MYOF: variants seen among roughly 807,000 people sequenced by gnomAD.
The protein encoded by MYOF is fer-1-like 3, myoferlin.
Under a neutral mutation model 284.2 loss-of-function variants are expected in MYOF, and 244 were observed. The observed-to-expected ratio is 0.86, with a 90% CI of 0.77 to 0.95. The LOEUF is 0.95. MYOF is among the 40% of genes least tolerant of loss of function. The pLI, the probability that MYOF is intolerant of heterozygous loss-of-function variation, is 0.00. For synonymous variants in MYOF, 904 were observed against 919.7 expected (o/e 0.98, Z 0.31); for missense variants, 2,496 against 2,560.6 (o/e 0.97, Z 0.54).
At chr10:93,363,884 C>T (rs1845193923) in intron 27 of MYOF, 77 bp downstream of exon 27, 1 of 1,317,856 alleles carries the variant, frequency 7.6e-7, no homozygotes, top group South Asian at 1.3e-5. Flanking sequence ...AAGCCCAAGC[C>T]AGGTGGCTGC....
intron 31 of MYOF, 29 bp downstream of exon 31, chr10:93,355,599 A>AAAT (rs1844758730): frequency 1.9e-6 from 3 of 1,545,288 alleles, no homozygotes; most frequent in Non-Finnish European, 2.7e-6. Flanking sequence ...AAATAAAATA[A>AAAT]AATAAATCAA....
At chr10:93,316,456 A>G (rs905141374) in intron 50 of MYOF, among the ~76,000 whole-genome samples, 1 of 152,028 alleles carries the variant, frequency 6.6e-6, no homozygotes, top group Non-Finnish European at 1.5e-5. Flanking sequence ...ATCCCCCTGC[A>G]GAAACAGGAC....
intron 39 of MYOF, 121 bp downstream of exon 39, chr10:93,340,032 A>T (rs1353892474): frequency 9.5e-7 from 1 of 1,055,292 alleles, no homozygotes; most frequent in East Asian, 2.7e-5. Flanking sequence ...GTGAGCCAAG[A>T]TCGCGCCACT....
rs1416157859 is a variant in MYOF, at chr10:93,333,272, A to G, written c.4760T>C (p.Ile1587Thr). 5 of 1,613,632 alleles carry G rather than the reference A, an allele frequency of 3.1e-6. No homozygotes were observed. Among genetic ancestry groups the G allele is most frequent in the Non-Finnish European group, 4.2e-6 (5 of 1,179,840 alleles). The change falls in exon 43 of 54, where the codon ATT becomes ACT. Residue 1587 changes from isoleucine (I) to threonine (T), a missense_variant. This residue lies in a region of MYOF where 2,436 missense variants were observed against 2,480.7 expected (regional missense o/e 0.98). Transcript: ENST00000359263. ...YIKITLGKKV[I>T]EDRDHYIPNT... ...GGGAATGTAGTGATCTCGGTCTTCA[A>G]TGACTTTTTTGCCCAGTGTTATTTT...
chr10:93,364,064 T>C lies in MYOF; in HGVS notation c.2765A>G (p.Glu922Gly), dbSNP rs751410425. 2 of 1,614,060 alleles carry C rather than the reference T, an allele frequency of 1.2e-6. No individual in the cohort carries two copies. The highest frequency in any genetic ancestry group is 1.7e-5 in the Admixed American group (1 of 60,024). ...IVDPERSLLT[E>G]ADAGHTEFTD... is the part of the protein sequence containing the mutation. ...GAACTCCGTGTGACCTGCATCTGCC[T>C]CAGTCAGCAAGCTGTGGGGCGGGGA... Residue 922 changes from glutamate (E) to glycine (G), a missense_variant, in exon 27 of 54, where the codon GAG (glutamate) becomes GGG (glycine). Transcript: ENST00000359263.
At chr10:93,416,922 CAT>C (rs1236867109) in intron 5 of MYOF, among the ~76,000 whole-genome samples, 1 of 152,128 alleles carries the variant, frequency 6.6e-6, no homozygotes, top group Non-Finnish European at 1.5e-5. Context: ...TTAATAGAAT[CAT>C]AGAACTTCGG....
At chr10:93,318,642 C>T (rs573070157) in intron 49 of MYOF, among the ~76,000 whole-genome samples, 2 of 152,188 alleles carry the variant, frequency 1.3e-5, no homozygotes, top group East Asian at 3.9e-4. Context: ...CCTGTAATCC[C>T]AGCTACTTGG....
chr10:93,348,230 T>C (rs1271411499), intron 36 of MYOF, among the ~76,000 whole-genome samples: 3 of 152,214 alleles, frequency 2.0e-5, no homozygotes, highest in African/African-American at 7.2e-5. Context: ...TTTGGTCATC[T>C]ACTAGCCAAG....
Position 93,310,164 on chromosome 10 carries a change from T to C in MYOF, c.6003A>G (p.Arg2001=), listed in dbSNP as rs1389073091. The C allele has an allele frequency of 2.5e-6, 4 of 1,613,952 alleles. No individual in the cohort carries two copies. The East Asian group carries it at 6.7e-5, about 27-fold the overall frequency. The change falls in exon 53 of 54, where the codon CGA becomes CGG. Residue 2001 remains arginine (R), a synonymous_variant. Transcript: ENST00000359263. ...TGAACCAGAGGAAGGAGGTTTCTGGTCGACTGCATTGCAAAGAAACAGTAT... is the reference window on the plus strand; with the variant it reads ...TGAACCAGAGGAAGGAGGTTTCTGGCCGACTGCATTGCAAAGAAACAGTAT... ...NMNPKLDLPN[R]PETSFLWFTN...
chr10:93,426,345 AG>A (rs1291950565), intron 4 of MYOF, among the ~76,000 whole-genome samples, 187 bp from the exon 5 acceptor site: 2 of 152,124 alleles, frequency 1.3e-5, no homozygotes. Flanking sequence ...CTGACAGCCA[AG>A]GCAGGGTGGG....
chr10:93,409,475 T>TATG (rs1847792802), intron 6 of MYOF, 98 bp downstream of exon 6: 3 of 1,362,464 alleles, frequency 2.2e-6, no homozygotes, highest in South Asian at 1.4e-5. Flanking sequence ...GTTGAGCCAT[T>TATG]GTCCATTGGA....
Position 93,353,978 on chromosome 10 carries a change from G to T in MYOF, c.3404-90C>A, listed in dbSNP as rs983054737. On this transcript the variant is annotated intron_variant, in intron 31 of 53. Transcript: ENST00000359263. ...ATATTTGGAAAAAATACATGTTTCTGATAAATGGGTCACTTGAATCTATTA... is the reference window on the plus strand; with the variant it reads ...ATATTTGGAAAAAATACATGTTTCTTATAAATGGGTCACTTGAATCTATTA... The T allele has an allele frequency of 1.4e-4, 144 of 1,008,374 alleles. 2 individuals carry two copies. The highest frequency in any genetic ancestry group is 3.4e-5 in the Non-Finnish European group (23 of 672,434). The allele number at this position is 1,008,374 out of a possible 1,614,324, so 62.5% of individuals were successfully genotyped here.
At chr10:93,328,017 G>A (rs35769183) in intron 45 of MYOF, among the ~76,000 whole-genome samples, 34,000 of 151,882 alleles carry the variant, frequency 0.22, 5,065 homozygotes, top group Non-Finnish European at 0.34. Flanking sequence ...TGATCCACCC[G>A]ACTCGACCTC....
rs79746486 is a variant in MYOF, at chr10:93,435,364, T to C, written c.237-3848A>G. Among the ~76,000 whole-genome samples the C allele has an allele frequency of 4.4e-3, 677 of 152,332 alleles. 4 individuals are homozygous for C. Among genetic ancestry groups the C allele is most frequent in the Admixed American group, 0.011 (162 of 15,298 alleles). On this transcript the variant is annotated intron_variant, in intron 3 of 53. Transcript: ENST00000359263. ...ACATTTTGAACCCGTTAATTATTTT[T>C]ATGGGAGGCTATACTGTTCAGCTAG...
intron 3 of MYOF, among the ~76,000 whole-genome samples, chr10:93,444,908 ACT>A (rs2056385452): frequency 1.3e-5 from 2 of 152,156 alleles, no homozygotes; most frequent in East Asian, 3.9e-4. Flanking sequence ...GCTCAAGTCT[ACT>A]CTCTACTTCT....
At chr10:93,329,603 C>A in intron 44 of MYOF, 61 bp downstream of exon 44, 1 of 1,586,404 alleles carries the variant, frequency 6.3e-7, no homozygotes, top group Non-Finnish European at 8.6e-7. Flanking sequence ...AGGGCCTAGG[C>A]CTCCCCAGGT....
At chr10:93,326,986 G>A (rs1292444990) in intron 45 of MYOF, among the ~76,000 whole-genome samples, 1 of 152,068 alleles carries the variant, frequency 6.6e-6, no homozygotes, top group African/African-American at 2.4e-5. Flanking sequence ...CCATGAAGAG[G>A]TGGGGTCTGT....
rs11376911 is a variant in MYOF, at chr10:93,424,929, A to ATTTTTTTT, written c.433+1134_433+1141dup. Among the ~76,000 whole-genome samples the ATTTTTTTT allele has an allele frequency of 1.3e-4, 10 of 77,760 alleles. 1 individual carries two copies. In the East Asian group the frequency reaches 2.1e-3, roughly 16 times the overall value. 51.0% of individuals were successfully genotyped at this position (77,760 alleles called of 152,430 possible). A position where few individuals can be genotyped will look rare whatever the true frequency, so the allele number is the denominator to read the frequency against. On this transcript the variant is annotated intron_variant, in intron 5 of 53. Coordinates refer to ENST00000359263, the MANE Select transcript of MYOF (RefSeq NM_013451.4). ...ACTTCCTCCCAGGAGGGAGAATTCCATTTTTTTTTTTTTTTTTTTTTTTTT... is the reference window on the plus strand; with the variant it reads ...ACTTCCTCCCAGGAGGGAGAATTCCATTTTTTTTTTTTTTTTTTTTTTTTTTTTTTTTT...
At chr10:93,347,884 C>G in intron 36 of MYOF, 102 bp from the exon 37 acceptor site, 1 of 1,180,676 alleles carries the variant, frequency 8.5e-7, no homozygotes, top group East Asian at 2.6e-5. Context: ...TGCCACACAG[C>G]CCAGAGGACT....
Sources: gnomAD v4.1 joint callset for allele counts (sites outside exome capture counted in the v4.1 genomes callset) on GRCh38, gnomAD v4.1.1 for gene constraint, gnomAD v4.1.1 regional missense constraint, MANE v1.5 for transcripts, NCBI Gene and HGNC (gene_info 2026-07-23, HGNC 2026-07-21) for gene names.